The following CEP20 variants were observed in gnomAD, a reference collection of about 807,000 sequenced individuals.
CEP20 encodes FGFR1OP N-terminal like.
A neutral mutation model predicts 20.0 loss-of-function variants in CEP20; 18 were observed. The ratio of observed to expected loss-of-function variants is 0.90; its 90% CI spans 0.62 to 1.34. The LOEUF (loss-of-function observed/expected upper bound fraction) is 1.34, where lower values mean the gene tolerates loss of function less well. Among genes scored for constraint, CEP20 ranks in the 40% most tolerant of loss-of-function variants. CEP20 has a pLI of 0.00. For synonymous variants in CEP20, 77 were observed against 73.7 expected, an observed-to-expected ratio of 1.04 and a Z score of -0.23; for missense variants, 215 against 201.6, an observed-to-expected ratio of 1.07 and a Z score of -0.40.
At chr16:15,884,305 C>A in intron 1 of CEP20, 100 bp from the exon 2 acceptor site, 1 of 1,078,800 alleles carries the variant, frequency 9.3e-7, no homozygotes, top group Non-Finnish European at 1.3e-6. Flanking sequence ...GGTACAAAAA[C>A]AGCTCTCAAG....
intron 1 of CEP20, among the ~76,000 whole-genome samples, chr16:15,887,924 A>G (rs1253229538): frequency 6.6e-6 from 1 of 151,866 alleles, no homozygotes; most frequent in East Asian, 1.9e-4. Context: ...CAAAAAATAC[A>G]AAAATTAGCC....
intron 3 of CEP20, among the ~76,000 whole-genome samples, chr16:15,878,016 T>C (rs1019727569): frequency 6.7e-6 from 1 of 150,348 alleles, no homozygotes; most frequent in South Asian, 2.1e-4. Flanking sequence ...ATGGGGCCAC[T>C]GCACTCCAGC....
At chr16:15,876,169 CTTTT>C (rs58260368) in intron 3 of CEP20, among the ~76,000 whole-genome samples, 10,195 of 141,394 alleles carry the variant, frequency 0.072, 458 homozygotes, top group East Asian at 0.22. Context: ...TACCATATTA[CTTTT>C]TTTTTTTTTT....
chr16:15,879,975 A>T lies in CEP20; in HGVS notation c.227-87T>A. ...GAAAAGAATCACATTTACCAGACAT[A>T]CACTTTTTAGATTTTGGAAGAATGA... On this transcript the variant is annotated intron_variant, in intron 2 of 4. Transcript: ENST00000255759. 3.4e-6 allele frequency: 3 copies of T among 887,896 alleles called. No individual in the cohort carries two copies. The South Asian group carries it at 4.6e-5, about 14-fold the overall frequency. 55.0% of individuals were successfully genotyped at this position (887,896 alleles called of 1,614,324 possible). A position where few individuals can be genotyped will look rare whatever the true frequency, so the allele number is the denominator to read the frequency against.
At position 15,866,239 on chromosome 16, in the gene CEP20, A is replaced by G. The variant is rs902389420; in HGVS notation, c.*1201T>C. 1 of 152,220 alleles carries G rather than the reference A, an allele frequency of 6.6e-6. No individual in the cohort carries two copies. Among genetic ancestry groups the G allele is most frequent in the Non-Finnish European group, 1.5e-5 (1 of 68,026 alleles). The allele number at this position is 152,220 out of a possible 1,614,324, so 9.4% of individuals were successfully genotyped here. The stretch of plus-strand genomic sequence containing the variant: ...GACTAGCATTGCCAAACAGAAAATC[A>G]AAAGTTTCAACAATTTGCAAAGCAG... On this transcript the variant is annotated 3_prime_UTR_variant, in exon 5 of 5. Transcript: ENST00000255759.
chr16:15,869,098 T>TGC (rs1244216773), intron 4 of CEP20, among the ~76,000 whole-genome samples: 1 of 149,654 alleles, frequency 6.7e-6, no homozygotes, highest in Non-Finnish European at 1.5e-5. Context: ...AAAAAAAATG[T>TGC]GTGTGTGTGT....
At chr16:15,871,679 T>G (rs1481590189) in intron 4 of CEP20, among the ~76,000 whole-genome samples, 1 of 152,184 alleles carries the variant, frequency 6.6e-6, no homozygotes, top group Non-Finnish European at 1.5e-5. Flanking sequence ...ATTGGAACCT[T>G]CTTAAAGTTT....
chr16:15,874,642 T>A (rs1399640012), intron 3 of CEP20, among the ~76,000 whole-genome samples: 1 of 152,046 alleles, frequency 6.6e-6, no homozygotes, highest in East Asian at 1.9e-4. Flanking sequence ...TATTTTTAAT[T>A]TTTGTGGGTA....
intron 2 of CEP20, among the ~76,000 whole-genome samples, chr16:15,880,727 G>C (rs2045077259): frequency 6.6e-6 from 1 of 151,950 alleles, no homozygotes. Context: ...AAGCAAGTGA[G>C]GGAAGCTTGA....
Position 15,866,632 on chromosome 16 carries a change from G to A in CEP20, c.*808C>T, listed in dbSNP as rs1013016228. The stretch of plus-strand genomic sequence containing the variant: ...CTGGCTCATCTGTGATTGCACAACC[G>A]AGGGCCACACGGAGATTAAACAATG... On this transcript the variant is annotated 3_prime_UTR_variant, in exon 5 of 5. Coordinates refer to ENST00000255759, the MANE Select transcript of CEP20 (RefSeq NM_144600.4). 5 of 152,192 alleles carry A rather than the reference G, an allele frequency of 3.3e-5. No individual in the cohort carries two copies. Among genetic ancestry groups the A allele is most frequent in the Non-Finnish European group, 7.3e-5 (5 of 68,040 alleles). 9.4% of individuals were successfully genotyped at this position (152,192 alleles called of 1,614,324 possible). A position where few individuals can be genotyped will look rare whatever the true frequency, so the allele number is the denominator to read the frequency against.
At chr16:15,887,579 T>C (rs2045274667) in intron 1 of CEP20, among the ~76,000 whole-genome samples, 1 of 152,170 alleles carries the variant, frequency 6.6e-6, no homozygotes, top group Non-Finnish European at 1.5e-5. Context: ...GTCTATGAAA[T>C]GGGCATAGGG....
At chr16:15,883,981 T>A (rs779731441) in intron 2 of CEP20, 27 bp downstream of exon 2, 1 of 1,573,570 alleles carries the variant, frequency 6.4e-7, no homozygotes, top group Non-Finnish European at 8.7e-7. Context: ...AGAAACAGAT[T>A]TTATGTGATA....
intron 3 of CEP20, among the ~76,000 whole-genome samples, chr16:15,879,157 G>A (rs2045037920): frequency 6.6e-6 from 1 of 152,158 alleles, no homozygotes; most frequent in African/African-American, 2.4e-5. Context: ...GAGGGCAAAG[G>A]ACAGAGTAAT....
chr16:15,868,070 T>C (rs1022949504), intron 4 of CEP20, among the ~76,000 whole-genome samples: 1 of 150,768 alleles, frequency 6.6e-6, no homozygotes, highest in Non-Finnish European at 1.5e-5. Context: ...TTGAGTAGAG[T>C]ACAACCTGCA....
At chr16:15,885,789 T>G (rs986671170) in intron 1 of CEP20, 1 of 152,272 alleles carries the variant, frequency 6.6e-6, no homozygotes. Context: ...ACTGTATCAA[T>G]GCCATCTTAA....
chr16:15,888,411 C>T (rs1158083120), intron 1 of CEP20, 147 bp downstream of exon 1: 8 of 1,097,724 alleles, frequency 7.3e-6, no homozygotes, highest in East Asian at 5.1e-5. Flanking sequence ...AAGACAGCAG[C>T]CAGACGCTCC....
intron 1 of CEP20, among the ~76,000 whole-genome samples, chr16:15,887,774 A>C (rs935389400): frequency 2.6e-5 from 4 of 152,156 alleles, no homozygotes; most frequent in African/African-American, 9.7e-5. Context: ...GAGAATGGCC[A>C]GGCCAGCAAA....
chr16:15,879,839 T>C lies in CEP20; in HGVS notation c.276A>G (p.Glu92=). Residue 92 remains glutamate (E), a synonymous_variant, in exon 3 of 5, where the codon GAA becomes GAG. Coordinates refer to ENST00000255759, the MANE Select transcript of CEP20 (RefSeq NM_144600.4). ...VPLDRQFLIH[E]LNAFEESKDN... is the part of the protein sequence containing the mutation. ...CCTTTGATTCTTCAAATGCATTTAG[T>C]TCATGGATGAGAAACTGTCTGTCCA... 3.8e-6 allele frequency: 6 copies of C among 1,575,022 alleles called. No individual in the cohort carries two copies. Among genetic ancestry groups the C allele is most frequent in the Non-Finnish European group, 5.1e-6 (6 of 1,168,886 alleles).
chr16:15,869,517 G>T (rs866088259), intron 4 of CEP20, among the ~76,000 whole-genome samples: 4 of 152,096 alleles, frequency 2.6e-5, no homozygotes, highest in South Asian at 2.1e-4. Context: ...CACCATGTTG[G>T]CTAGGCTGGT....
Sources: gnomAD v4.1 joint callset for allele counts (sites outside exome capture counted in the v4.1 genomes callset) on GRCh38, gnomAD v4.1.1 for gene constraint, MANE v1.5 for transcripts, NCBI Gene and HGNC (gene_info 2026-07-23, HGNC 2026-07-21) for gene names.